NCAM2: variants seen among roughly 807,000 people sequenced by gnomAD.
NCAM2 encodes N-CAM-2.
In NCAM2, 30 loss-of-function variants were observed where a neutral mutation model predicts 98.1. That is an observed-to-expected ratio of 0.31 (90% CI 0.23 to 0.41). NCAM2 has a LOEUF of 0.41. Among genes scored for constraint, NCAM2 ranks in the 10% least tolerant of loss-of-function variants. NCAM2 has a pLI of 1.00. For missense variants in NCAM2, 867 were observed against 1,005.8 expected (o/e 0.86, Z 1.87); for synonymous variants, 368 against 342.4 (o/e 1.07, Z -0.83).
chr21:21,184,796 A>T (rs2068586259), intron 1 of NCAM2, among the ~76,000 whole-genome samples: 1 of 152,184 alleles, frequency 6.6e-6, no homozygotes, highest in African/African-American at 2.4e-5. Flanking sequence ...ATGAATCAGC[A>T]TTGAAAACCC....
chr21:21,524,641 C>CT (rs1225267001), intron 16 of NCAM2, among the ~76,000 whole-genome samples: 1 of 151,934 alleles, frequency 6.6e-6, no homozygotes, highest in Non-Finnish European at 1.5e-5. Context: ...AAGGACGTTG[C>CT]TTAACCAATC....
intron 1 of NCAM2, among the ~76,000 whole-genome samples, chr21:21,167,105 A>AT (rs1222884043): frequency 1.3e-5 from 2 of 151,722 alleles, no homozygotes; most frequent in Non-Finnish European, 2.9e-5. Context: ...GGCTTTCTAG[A>AT]TTTTTTTAGT....
intron 1 of NCAM2, among the ~76,000 whole-genome samples, chr21:21,145,423 T>A (rs2067251291): frequency 6.6e-6 from 1 of 152,206 alleles, no homozygotes; most frequent in African/African-American, 2.4e-5. Flanking sequence ...AATTTATGTG[T>A]CACCACAATG....
chr21:21,008,969 T>A (rs968407552), intron 1 of NCAM2, among the ~76,000 whole-genome samples: 2 of 152,192 alleles, frequency 1.3e-5, no homozygotes, highest in African/African-American at 2.4e-5. Flanking sequence ...ATAATATACC[T>A]GAATTCTGCA....
Position 21,352,284 on chromosome 21 carries a change from G to T in NCAM2, c.1044+13750G>T, listed in dbSNP as rs188477124. 4.9e-3 allele frequency among the ~76,000 whole-genome samples: 750 copies of T among 151,992 alleles called. 4 individuals carry two copies. Among genetic ancestry groups the T allele is most frequent in the Non-Finnish European group, 6.9e-3 (467 of 67,970 alleles). ...TTTTATTTGGCTGTTGTTGTTGGTG[G>T]TGGTGGTGGTGGTGTTTTGTAAAGA... On this transcript the variant is annotated intron_variant, in intron 8 of 17. Coordinates refer to ENST00000400546, the MANE Select transcript of NCAM2 (RefSeq NM_004540.5).
At chr21:21,445,180 G>T (rs1191485186) in intron 12 of NCAM2, among the ~76,000 whole-genome samples, 1 of 152,100 alleles carries the variant, frequency 6.6e-6, no homozygotes, top group Non-Finnish European at 1.5e-5. Flanking sequence ...TAATTTGATT[G>T]CACTGTGGCC....
chr21:21,423,426 C>T (rs1208787652), intron 11 of NCAM2, among the ~76,000 whole-genome samples: 1 of 152,132 alleles, frequency 6.6e-6, no homozygotes, highest in East Asian at 1.9e-4. Context: ...ATATTGGTCA[C>T]TTTTCTTTTG....
At chr21:21,456,675 G>C (rs1348982084) in intron 12 of NCAM2, among the ~76,000 whole-genome samples, 1 of 152,130 alleles carries the variant, frequency 6.6e-6, no homozygotes, top group African/African-American at 2.4e-5. Flanking sequence ...TAGAATGACT[G>C]TTTGGTACCC....
At chr21:21,477,568 C>G (rs1023850845) in intron 15 of NCAM2, 97 bp downstream of exon 15, 1 of 980,412 alleles carries the variant, frequency 1.0e-6, no homozygotes, top group Non-Finnish European at 1.4e-6. Flanking sequence ...TTAAAACAAA[C>G]TGAAATGTAA....
chr21:21,099,364 C>T (rs1028558334), intron 1 of NCAM2, among the ~76,000 whole-genome samples: 3 of 151,908 alleles, frequency 2.0e-5, no homozygotes, highest in African/African-American at 7.2e-5. Context: ...TAAAGAACTG[C>T]CTGAGACTAG....
At chr21:21,480,521 G>A (rs1278035426) in intron 15 of NCAM2, among the ~76,000 whole-genome samples, 2 of 152,090 alleles carry the variant, frequency 1.3e-5, no homozygotes, top group Admixed American at 6.6e-5. Flanking sequence ...TCTGTTCTAG[G>A]AGGTGGAAAA....
chr21:21,160,500 C>A, intron 1 of NCAM2, among the ~76,000 whole-genome samples: 1 of 151,778 alleles, frequency 6.6e-6, no homozygotes, highest in Non-Finnish European at 1.5e-5. Context: ...TAAAGTCTTA[C>A]AATATTTTCT....
chr21:21,013,842 C>T (rs1233149410), intron 1 of NCAM2, among the ~76,000 whole-genome samples: 2 of 151,900 alleles, frequency 1.3e-5, no homozygotes, highest in Non-Finnish European at 2.9e-5. Flanking sequence ...AAGAAGCCAT[C>T]TCCATAACAT....
In NCAM2 at chr21:21,468,723, C is replaced by A; in HGVS notation, c.1836C>A (p.Ser612Arg). 6.2e-7 allele frequency: 1 copy of A among 1,611,856 alleles called. No individual in the cohort carries two copies. The highest frequency in any genetic ancestry group is 8.5e-7 in the Non-Finnish European group (1 of 1,178,546). ...QPSSGKSFKL[S>R]ITKQDDGGAP... Reference sequence around the variant, plus strand: ...GCAGTGGAAAGAGCTTTAAACTCAGCATCACCAAACAGGACGATGGAGGGG... The same window carrying A: ...GCAGTGGAAAGAGCTTTAAACTCAGAATCACCAAACAGGACGATGGAGGGG... The change falls in exon 14 of 18, where the codon AGC becomes AGA. Residue 612 changes from serine to arginine, a missense_variant. By Grantham distance (110) the Ser-to-Arg change is moderately radical. This residue lies in a region of NCAM2 where 234 missense variants were observed against 333.8 expected (regional missense o/e 0.70). Transcript: ENST00000400546.
At chr21:21,175,903 T>C (rs114966128) in intron 1 of NCAM2, among the ~76,000 whole-genome samples, 61 of 152,336 alleles carry the variant, frequency 4.0e-4, no homozygotes, top group African/African-American at 1.4e-3. Flanking sequence ...ACCAATTTTA[T>C]GTGTTTAACC....
At chr21:21,166,282 A>G (rs1480326595) in intron 1 of NCAM2, among the ~76,000 whole-genome samples, 2 of 152,110 alleles carry the variant, frequency 1.3e-5, no homozygotes, top group African/African-American at 4.8e-5. Context: ...ATCTCAGCTC[A>G]CTGCAACCTC....
intron 6 of NCAM2, among the ~76,000 whole-genome samples, chr21:21,329,230 A>G (rs770341161): frequency 6.6e-6 from 1 of 152,140 alleles, no homozygotes; most frequent in African/African-American, 2.4e-5. Flanking sequence ...TACAGGTGTG[A>G]GCCACCACGC....
intron 1 of NCAM2, among the ~76,000 whole-genome samples, chr21:21,016,603 T>C (rs1172577797): frequency 6.6e-6 from 1 of 152,122 alleles, no homozygotes; most frequent in Non-Finnish European, 1.5e-5. Context: ...GTGCATAGTT[T>C]TACTCTTGTT....
chr21:21,295,350 A>T (rs2073439476), intron 5 of NCAM2, among the ~76,000 whole-genome samples: 1 of 151,480 alleles, frequency 6.6e-6, no homozygotes, highest in Non-Finnish European at 1.5e-5. Flanking sequence ...ATTTTTTCTT[A>T]CCTCCCTCTG....
Sources: gnomAD v4.1 joint callset for allele counts (sites outside exome capture counted in the v4.1 genomes callset) on GRCh38, gnomAD v4.1.1 for gene constraint, gnomAD v4.1.1 regional missense constraint, MANE v1.5 for transcripts, NCBI Gene and HGNC (gene_info 2026-07-23, HGNC 2026-07-21) for gene names.